TIPIN: variants seen among roughly 807,000 people sequenced by gnomAD.
The protein encoded by TIPIN is TIMELESS interacting protein, also known as TIMELESS-interacting protein.
In TIPIN, 29 loss-of-function variants were observed where a neutral mutation model predicts 35.6. That is an observed-to-expected ratio of 0.82 (90% CI 0.61 to 1.11). TIPIN has a LOEUF of 1.11. Among genes scored for constraint, TIPIN ranks in the 50% most tolerant of loss-of-function variants. TIPIN has a pLI of 0.00. For missense variants in TIPIN, 296 were observed against 345.4 expected, an observed-to-expected ratio of 0.86 and a Z score of 1.13; for synonymous variants, 102 against 121.5, an observed-to-expected ratio of 0.84 and a Z score of 1.06.
intron 1 of TIPIN, among the ~76,000 whole-genome samples, chr15:66,382,062 C>A (rs201696588): frequency 3.3e-5 from 5 of 150,330 alleles, no homozygotes; most frequent in Admixed American, 6.6e-5. Flanking sequence ...AACTCTGTCT[C>A]AAAAAAAAAA....
At chr15:66,359,865 T>C (rs1356251608), upstream of TIPIN, among the ~76,000 whole-genome samples, 3 of 152,172 alleles carry the variant, frequency 2.0e-5, no homozygotes, top group African/African-American at 4.8e-5. Context: ...ACTGATACTC[T>C]TGAAGGTTTA....
intron 1 of TIPIN, among the ~76,000 whole-genome samples, chr15:66,354,248 G>A (rs762045106): frequency 1.3e-4 from 20 of 151,994 alleles, no homozygotes; most frequent in South Asian, 2.1e-4. Context: ...CTTCCTAAAC[G>A]CCTGAAAGGC....
At chr15:66,379,205 T>C in intron 1 of TIPIN, 15 of 1,278,780 alleles carry the variant, frequency 1.2e-5, no homozygotes, top group Non-Finnish European at 1.6e-5. Context: ...GCATCTTTGA[T>C]GCACCTGGAA....
intron 1 of TIPIN, among the ~76,000 whole-genome samples, chr15:66,381,359 A>G (rs967868063): frequency 2.6e-4 from 40 of 151,910 alleles, no homozygotes; most frequent in African/African-American, 8.0e-4. Context: ...AATTGCTTGA[A>G]CCTGGGAGGC....
In TIPIN at chr15:66,378,497, T is replaced by G. The variant is rs2093306000; in HGVS notation, c.-9+8110A>C. 2.6e-5 allele frequency among the ~76,000 whole-genome samples: 4 copies of G among 152,302 alleles called. No individual in the cohort carries two copies. The South Asian group carries it at 8.3e-4, about 32-fold the overall frequency. On this transcript the variant is annotated intron_variant, in intron 1 of 7. Transcript: ENST00000562124. ...TTATATTGCAGATATTGTAAATGTT[T>G]ATTTTCTCAGCTTACCATTTGTGTA...
At chr15:66,371,623 C>A (rs2093278021) in intron 1 of TIPIN, among the ~76,000 whole-genome samples, 1 of 151,722 alleles carries the variant, frequency 6.6e-6, no homozygotes, top group African/African-American at 2.4e-5. Flanking sequence ...AGGCCATTCT[C>A]CTGCCTCAGC....
At chr15:66,366,722 G>T in intron 1 of TIPIN, 1 of 653,728 alleles carries the variant, frequency 1.5e-6, no homozygotes, top group Non-Finnish European at 1.9e-6. Flanking sequence ...AGCTGAGAAT[G>T]CACCATTGCA....
At chr15:66,367,721 A>G (rs2093262061) in intron 1 of TIPIN, among the ~76,000 whole-genome samples, 1 of 151,654 alleles carries the variant, frequency 6.6e-6, no homozygotes, top group African/African-American at 2.4e-5. Context: ...TAATCACTGT[A>G]AACAATTTTT....
At chr15:66,353,790 A>C (rs1016774904) in intron 1 of TIPIN, among the ~76,000 whole-genome samples, 1 of 152,022 alleles carries the variant, frequency 6.6e-6, no homozygotes, top group Non-Finnish European at 1.5e-5. Flanking sequence ...TGCCTTACTT[A>C]ACTTCTCAAT....
At chr15:66,370,114 C>T (rs914661538) in intron 1 of TIPIN, among the ~76,000 whole-genome samples, 2 of 152,132 alleles carry the variant, frequency 1.3e-5, no homozygotes, top group Non-Finnish European at 2.9e-5. Context: ...AAGGAAGTCA[C>T]GACTTCCTTC....
chr15:66,338,401 C>T (rs1016317841), intron 7 of TIPIN, among the ~76,000 whole-genome samples: 1 of 152,140 alleles, frequency 6.6e-6, no homozygotes, highest in African/African-American at 2.4e-5. Flanking sequence ...CAGAGGTGAG[C>T]TTTAAATACC....
chr15:66,354,041 C>T (rs2093187363), intron 1 of TIPIN, among the ~76,000 whole-genome samples: 1 of 152,142 alleles, frequency 6.6e-6, no homozygotes, highest in Non-Finnish European at 1.5e-5. Context: ...TCCTCCCTTT[C>T]TGGGCACTCC....
chr15:66,351,758 G>C (rs2140462881), intron 3 of TIPIN, among the ~76,000 whole-genome samples, 158 bp from the exon 4 acceptor site: 1 of 151,530 alleles, frequency 6.6e-6, no homozygotes, highest in African/African-American at 2.4e-5. Flanking sequence ...TCCTGCCTCA[G>C]CCTCCCAAGT....
At chr15:66,357,308 T>A (rs989896107), upstream of TIPIN, among the ~76,000 whole-genome samples, 3 of 152,112 alleles carry the variant, frequency 2.0e-5, no homozygotes, top group Non-Finnish European at 4.4e-5. Flanking sequence ...CAATAGTGAA[T>A]AAGAAATTAC....
chr15:66,386,706 A>T (rs544567955), exon 1 of TIPIN: 2 of 185,018 alleles, frequency 1.1e-5, no homozygotes, highest in East Asian at 1.7e-4. Flanking sequence ...TCGGGGCGAC[A>T]GAGGGCGCCA....
intron 1 of TIPIN, chr15:66,382,822 G>T: frequency 2.1e-6 from 1 of 478,776 alleles, no homozygotes; most frequent in Non-Finnish European, 2.7e-6. Context: ...ATATGTTACA[G>T]TGTTTATTAT....
At chr15:66,379,198 T>A (rs766400924) in intron 1 of TIPIN, 31 of 1,233,058 alleles carry the variant, frequency 2.5e-5, no homozygotes, top group Non-Finnish European at 3.2e-5. Flanking sequence ...CTTGATTGCA[T>A]CTTTGATGCA....
chr15:66,382,228 T>G (rs1361738683), intron 1 of TIPIN: 3 of 397,926 alleles, frequency 7.5e-6, no homozygotes, highest in African/African-American at 4.4e-5. Flanking sequence ...ATTTTATAGG[T>G]AAATTAACTG....
chr15:66,337,789 A>T (rs12907975), intron 7 of TIPIN, among the ~76,000 whole-genome samples: 51 of 152,044 alleles, frequency 3.4e-4, no homozygotes, highest in East Asian at 9.7e-4. Context: ...ATAAAAAAAA[A>T]AATAATTAGC....
Sources: gnomAD v4.1 joint callset for allele counts (sites outside exome capture counted in the v4.1 genomes callset) on GRCh38, gnomAD v4.1.1 for gene constraint, MANE v1.5 for transcripts, NCBI Gene and HGNC (gene_info 2026-07-23, HGNC 2026-07-21) for gene names.